Variants in DGKB observed in about 807,000 individuals in gnomAD.
The protein encoded by DGKB is diacylglycerol kinase beta.
Under a neutral mutation model 114.3 loss-of-function variants are expected in DGKB, and 67 were observed. The ratio of observed to expected loss-of-function variants is 0.59; its 90% CI spans 0.48 to 0.72. DGKB has a LOEUF of 0.72. Ranked by LOEUF, DGKB falls within the 30% of genes least tolerant of loss-of-function variation. DGKB has a pLI of 0.00. For missense variants in DGKB, 907 were observed against 975.2 expected, an observed-to-expected ratio of 0.93 and a Z score of 0.93; for synonymous variants, 398 against 323.1, an observed-to-expected ratio of 1.23 and a Z score of -2.49.
At chr7:14,597,912 T>C (rs1802871073) in intron 17 of DGKB, among the ~76,000 whole-genome samples, 1 of 152,280 alleles carries the variant, frequency 6.6e-6, no homozygotes, top group Admixed American at 6.5e-5. Flanking sequence ...TCTTGGGATG[T>C]GATTATAATT....
At chr7:14,693,099 T>C (rs565933862) in intron 9 of DGKB, among the ~76,000 whole-genome samples, 2 of 152,228 alleles carry the variant, frequency 1.3e-5, no homozygotes, top group African/African-American at 4.8e-5. Context: ...TCTGTAAAAA[T>C]ATTTCAGCTG....
At chr7:14,607,346 A>C in intron 17 of DGKB, 88 bp downstream of exon 17, 1 of 730,318 alleles carries the variant, frequency 1.4e-6, no homozygotes, top group Non-Finnish European at 2.4e-6. Flanking sequence ...CTGTGTTCAA[A>C]TAACATTATT....
chr7:14,315,083 G>A (rs1806213424), intron 23 of DGKB, among the ~76,000 whole-genome samples: 1 of 150,450 alleles, frequency 6.6e-6, no homozygotes, highest in Non-Finnish European at 1.5e-5. Flanking sequence ...AGCAAATGCT[G>A]AGAGATTTTG....
intron 16 of DGKB, among the ~76,000 whole-genome samples, chr7:14,612,031 T>A (rs2128793561): frequency 6.6e-6 from 1 of 151,862 alleles, no homozygotes; most frequent in East Asian, 1.9e-4. Context: ...TGAGTAAAAC[T>A]ATTCCCTTTA....
At chr7:14,519,182 A>G (rs1016451866) in intron 20 of DGKB, among the ~76,000 whole-genome samples, 32 of 152,090 alleles carry the variant, frequency 2.1e-4, no homozygotes, top group African/African-American at 7.7e-4. Flanking sequence ...GTGTAACTAT[A>G]CCAAAATTCC....
intron 1 of DGKB, among the ~76,000 whole-genome samples, chr7:14,901,979 T>C (rs185478530): frequency 6.4e-4 from 97 of 152,220 alleles, no homozygotes; most frequent in African/African-American, 2.1e-3. Flanking sequence ...GTGGAGGAGA[T>C]TATTGCAGCA....
chr7:14,505,512 A>T (rs1275683814), intron 20 of DGKB, among the ~76,000 whole-genome samples: 1 of 152,038 alleles, frequency 6.6e-6, no homozygotes, highest in Non-Finnish European at 1.5e-5. Flanking sequence ...ACTCATTGTC[A>T]TTACAGACTC....
intron 13 of DGKB, among the ~76,000 whole-genome samples, chr7:14,647,111 A>G (rs955355620): frequency 6.6e-6 from 1 of 152,012 alleles, no homozygotes; most frequent in African/African-American, 2.4e-5. Flanking sequence ...ATAAAACCAG[A>G]AACAAAAAAG....
intron 1 of DGKB, among the ~76,000 whole-genome samples, chr7:14,845,480 C>G (rs1240762941): frequency 6.6e-6 from 1 of 152,084 alleles, no homozygotes; most frequent in African/African-American, 2.4e-5. Flanking sequence ...CTAGGTTTGC[C>G]CTTGATTTTC....
intron 20 of DGKB, among the ~76,000 whole-genome samples, chr7:14,483,807 C>G (rs2128917584): frequency 6.6e-6 from 1 of 152,202 alleles, no homozygotes; most frequent in African/African-American, 2.4e-5. Flanking sequence ...TTAAAGAATG[C>G]TGAAAGCCAC....
intron 1 of DGKB, among the ~76,000 whole-genome samples, chr7:14,945,602 C>T (rs991066444): frequency 5.3e-5 from 8 of 151,800 alleles, no homozygotes; most frequent in Admixed American, 3.3e-4. Context: ...CACAGGCACA[C>T]GCACAAGTAC....
chr7:14,522,001 T>C (rs1789852349), intron 20 of DGKB, among the ~76,000 whole-genome samples: 1 of 152,156 alleles, frequency 6.6e-6, no homozygotes, highest in African/African-American at 2.4e-5. Flanking sequence ...GCAGACCTCT[T>C]CTACTTTTGC....
At chr7:14,930,482 G>C (rs1784959145) in intron 1 of DGKB, among the ~76,000 whole-genome samples, 1 of 152,026 alleles carries the variant, frequency 6.6e-6, no homozygotes, top group Non-Finnish European at 1.5e-5. Flanking sequence ...TTGTAAATGG[G>C]ATTGCCTTTT....
intron 13 of DGKB, among the ~76,000 whole-genome samples, chr7:14,648,653 T>C (rs13222643): frequency 1 from 151,887 of 152,134 alleles, 75,820 homozygotes; most frequent in Middle Eastern, 1. Context: ...GAGAATGACT[T>C]TGACGAGCTG....
intron 8 of DGKB, among the ~76,000 whole-genome samples, chr7:14,695,522 T>C (rs62448684): frequency 0.55 from 67,421 of 123,010 alleles, 19,362 homozygotes; most frequent in East Asian, 0.86. Flanking sequence ...TTTTTTGAGA[T>C]GGAGTCTCAC....
At chr7:14,275,445 T>G (rs1164339319) in intron 23 of DGKB, among the ~76,000 whole-genome samples, 2 of 152,240 alleles carry the variant, frequency 1.3e-5, no homozygotes, top group Non-Finnish European at 2.9e-5. Flanking sequence ...AATCCAGGCT[T>G]ACATTTAAAT....
At chr7:14,607,590 T>C (rs1804755238) in intron 16 of DGKB, 82 bp from the exon 17 acceptor site, 2 of 480,014 alleles carry the variant, frequency 4.2e-6, no homozygotes, top group South Asian at 3.8e-5. Flanking sequence ...TGTTATAAAA[T>C]ATATATAGTT....
intron 8 of DGKB, among the ~76,000 whole-genome samples, chr7:14,697,743 G>GAAAA (rs1824234667): frequency 8.4e-6 from 1 of 119,076 alleles, no homozygotes; most frequent in African/African-American, 3.6e-5. Context: ...GAAAGAAGGA[G>GAAAA]GAAAGAAAGA....
chr7:14,286,398 A>T (rs530393968), intron 23 of DGKB, among the ~76,000 whole-genome samples: 1 of 152,308 alleles, frequency 6.6e-6, no homozygotes, highest in Admixed American at 6.5e-5. Flanking sequence ...ATAGTGAAAG[A>T]ATACAGAGAA....
Sources: gnomAD v4.1 joint callset for allele counts (sites outside exome capture counted in the v4.1 genomes callset) on GRCh38, gnomAD v4.1.1 for gene constraint, MANE v1.5 for transcripts, NCBI Gene and HGNC (gene_info 2026-07-23, HGNC 2026-07-21) for gene names.